The following SIRT5 variants were observed in gnomAD, a reference collection of about 807,000 sequenced individuals.
The protein encoded by SIRT5 is sirtuin 5, also known as NAD-dependent protein deacylase sirtuin-5, mitochondrial.
A neutral mutation model predicts 40.0 loss-of-function variants in SIRT5; 26 were observed. The observed-to-expected ratio is 0.65, with a 90% confidence interval of 0.48 to 0.90. SIRT5 has a LOEUF of 0.90. SIRT5 is among the 40% of genes least tolerant of loss of function. SIRT5 has a pLI of 0.00. For missense variants in SIRT5, 401 were observed against 402.4 expected (o/e 1.00, Z 0.03); for synonymous variants, 146 against 149.1 (o/e 0.98, Z 0.15).
intron 2 of SIRT5, among the ~76,000 whole-genome samples, chr6:13,580,217 C>T (rs986523178): frequency 6.6e-6 from 1 of 152,190 alleles, no homozygotes; most frequent in African/African-American, 2.4e-5. Context: ...CTAACCTCTT[C>T]TCTTTTTGAG....
chr6:13,599,446 T>C (rs1762075331), intron 8 of SIRT5, among the ~76,000 whole-genome samples: 1 of 152,220 alleles, frequency 6.6e-6, no homozygotes, highest in South Asian at 2.1e-4. Context: ...GAACATGCTA[T>C]TGGTTTTTTA....
At chr6:13,578,456 TAAAAATACA>T (rs1351534619) in intron 1 of SIRT5, among the ~76,000 whole-genome samples, 1 of 151,732 alleles carries the variant, frequency 6.6e-6, no homozygotes, top group Non-Finnish European at 1.5e-5. Flanking sequence ...CCGTCTCTAC[TAAAAATACA>T]AAAAATTAGC....
At chr6:13,611,228 TATATATATACAC>T (rs1763846891) in intron 9 of SIRT5, among the ~76,000 whole-genome samples, 2 of 131,232 alleles carry the variant, frequency 1.5e-5, no homozygotes, top group African/African-American at 6.2e-5. Flanking sequence ...TATATATATA[TATATATATACAC>T]ACACACATAC....
rs116306597 is a variant in SIRT5 at position 13,596,650 on chromosome 6, C to A, written c.564-313C>A. On this transcript the variant is annotated intron_variant, in intron 6 of 9. Transcript: ENST00000606117. ...TATAGGCACACATCACCACACTCAG[C>A]TAATTTTTGTATTTCTGGTAGAAAT... is the stretch of plus-strand genomic sequence containing the variant. Among the ~76,000 whole-genome samples, 957 of 152,250 alleles carry A rather than the reference C, an allele frequency of 6.3e-3. 14 individuals are homozygous for A. Among genetic ancestry groups the A allele is most frequent in the African/African-American group, 0.022 (915 of 41,550 alleles).
chr6:13,586,515 G>T (rs886576556), intron 3 of SIRT5, among the ~76,000 whole-genome samples: 5 of 152,138 alleles, frequency 3.3e-5, no homozygotes, highest in African/African-American at 1.2e-4. Context: ...TTTCCCCCTT[G>T]TTTTTGTCAG....
chr6:13,588,319 C>T lies in SIRT5; in HGVS notation c.116-12C>T. Reference sequence around the variant, plus strand: ...CTGTACACTGGATTGATAAAGATTTCACTCTGTTTAGGTATGGCAGATTTT... The same window carrying T: ...CTGTACACTGGATTGATAAAGATTTTACTCTGTTTAGGTATGGCAGATTTT... On this transcript the variant is annotated splice_polypyrimidine_tract_variant and intron_variant, in intron 3 of 9. Coordinates refer to ENST00000606117, the MANE Select transcript of SIRT5 (RefSeq NM_012241.5). 1 of 1,610,398 alleles carries T rather than the reference C, an allele frequency of 6.2e-7. No individual in the cohort carries two copies. The highest frequency in any genetic ancestry group is 1.3e-5 in the African/African-American group (1 of 74,766).
intron 1 of SIRT5, among the ~76,000 whole-genome samples, chr6:13,577,149 CAT>C (rs1385319001): frequency 6.6e-6 from 1 of 152,130 alleles, no homozygotes; most frequent in Non-Finnish European, 1.5e-5. Context: ...TTTGCAATTC[CAT>C]ATGAACTTTA....
At position 13,613,911 on chromosome 6, in the gene SIRT5, A is replaced by G. The variant is rs936442760; in HGVS notation, c.*2046A>G. 1 of 152,192 alleles carries G rather than the reference A, an allele frequency of 6.6e-6. No individual in the cohort carries two copies. The highest frequency in any genetic ancestry group is 1.5e-5 in the Non-Finnish European group (1 of 68,022). 9.4% of individuals were successfully genotyped at this position (152,192 alleles called of 1,614,324 possible). ...TTTGATTTGTAATTTCTATCTGACT[A>G]AGGCCTAGAGATTTCAAAACTGTTC... On this transcript the variant is annotated 3_prime_UTR_variant, in exon 10 of 10. Coordinates refer to ENST00000606117, the MANE Select transcript of SIRT5 (RefSeq NM_012241.5).
intron 6 of SIRT5, 85 bp from the exon 7 acceptor site, chr6:13,596,878 G>A: frequency 9.0e-7 from 1 of 1,106,196 alleles, no homozygotes; most frequent in Non-Finnish European, 1.3e-6. Context: ...ATACTGCCAG[G>A]CAAATATACA....
chr6:13,584,146 T>C lies in SIRT5; in HGVS notation c.36T>C (p.Ile12=). Residue 12 remains isoleucine (I), a synonymous_variant, in exon 3 of 10, where the codon ATT becomes ATC. Transcript: ENST00000606117. ...RPLQIVPSRL[I]SQLYCGLKPP... ...TCCAGATTGTCCCAAGTCGATTGAT[T>C]TCCCAGCTATATTGTGGCCTGAAGC... 6.2e-7 allele frequency: 1 copy of C among 1,614,204 alleles called. No individual in the cohort carries two copies. Among genetic ancestry groups the C allele is most frequent in the Non-Finnish European group, 8.5e-7 (1 of 1,180,030 alleles).
intron 4 of SIRT5, among the ~76,000 whole-genome samples, chr6:13,591,102 GAT>G (rs1353439094): frequency 2.0e-5 from 3 of 151,602 alleles, no homozygotes; most frequent in Non-Finnish European, 2.9e-5. Flanking sequence ...TGTGTGTGTA[GAT>G]ATGTGTAGTG....
At position 13,611,988 on chromosome 6, in the gene SIRT5, C is replaced by T; in HGVS notation, c.*123C>T. On this transcript the variant is annotated 3_prime_UTR_variant, in exon 10 of 10. Coordinates refer to ENST00000606117, the MANE Select transcript of SIRT5 (RefSeq NM_012241.5). ...CTAAAAATAGCCTCTGATTCCCTCGCTGGAATCCAACCTGTTGATAAGTGA... is the reference window on the plus strand; with the variant it reads ...CTAAAAATAGCCTCTGATTCCCTCGTTGGAATCCAACCTGTTGATAAGTGA... 1 of 859,234 alleles carries T rather than the reference C, an allele frequency of 1.2e-6. No homozygotes were observed. The allele number at this position is 859,234 out of a possible 1,614,324, so 53.2% of individuals were successfully genotyped here.
In SIRT5 at chr6:13,575,857, A is replaced by G. The variant is rs78787766; in HGVS notation, c.-195+1113A>G. ...GTAACCATCATTCTACTCTGCTTCTATGAGTTCAACTTTTTTAGACCCCAA... is the reference window on the plus strand; with the variant it reads ...GTAACCATCATTCTACTCTGCTTCTGTGAGTTCAACTTTTTTAGACCCCAA... On this transcript the variant is annotated intron_variant, in intron 1 of 9. Transcript: ENST00000606117. Among the ~76,000 whole-genome samples the G allele has an allele frequency of 1.3e-3, 193 of 152,276 alleles. 3 individuals are homozygous for G. The East Asian group carries it at 0.022, about 18-fold the overall frequency.
chr6:13,578,616 C>CA (rs60663066), intron 1 of SIRT5, among the ~76,000 whole-genome samples: 820 of 35,980 alleles, frequency 0.023, 12 homozygotes, highest in East Asian at 0.046. Flanking sequence ...GACTCCATCT[C>CA]AAAAAAAAAA....
At chr6:13,574,896 C>T (rs1308423781) in intron 1 of SIRT5, among the ~76,000 whole-genome samples, 152 bp downstream of exon 1, 1 of 152,182 alleles carries the variant, frequency 6.6e-6, no homozygotes, top group East Asian at 1.9e-4. Context: ...CCTCCCTTTT[C>T]AGAAAGGTCA....
At chr6:13,608,274 A>G (rs959980883) in intron 9 of SIRT5, among the ~76,000 whole-genome samples, 8 of 152,210 alleles carry the variant, frequency 5.3e-5, no homozygotes, top group African/African-American at 1.9e-4. Context: ...TACTAATGTA[A>G]TATATTTTTA....
intron 3 of SIRT5, among the ~76,000 whole-genome samples, chr6:13,584,807 G>C (rs1047013445): frequency 1.3e-5 from 2 of 152,134 alleles, no homozygotes; most frequent in African/African-American, 4.8e-5. Flanking sequence ...TCTCTGCAGG[G>C]GAGGAAAACT....
rs1764058677 is a variant in SIRT5, at chr6:13,612,788, C to T, written c.*923C>T. ...GAAAGAATGATGCAAATATGTGGACCCCCAGGATAAACACAGCTGCCCAAA... is the reference window on the plus strand; with the variant it reads ...GAAAGAATGATGCAAATATGTGGACTCCCAGGATAAACACAGCTGCCCAAA... On this transcript the variant is annotated 3_prime_UTR_variant, in exon 10 of 10. Transcript: ENST00000606117. 6.6e-6 allele frequency: 1 copy of T among 152,220 alleles called. No individual in the cohort carries two copies. The highest frequency in any genetic ancestry group is 2.4e-5 in the African/African-American group (1 of 41,422). 9.4% of individuals were successfully genotyped at this position (152,220 alleles called of 1,614,324 possible). A position where few individuals can be genotyped will look rare whatever the true frequency, so the allele number is the denominator to read the frequency against.
chr6:13,602,243 G>A (rs1762487743), intron 9 of SIRT5, among the ~76,000 whole-genome samples: 1 of 152,116 alleles, frequency 6.6e-6, no homozygotes, highest in East Asian at 1.9e-4. Context: ...TAATTGAAAA[G>A]ATTAATCTAA....
Sources: allele counts gnomAD v4.1 joint callset (sites outside exome capture counted in the v4.1 genomes callset), GRCh38; gene constraint gnomAD v4.1.1; transcripts MANE v1.5; gene names NCBI Gene and HGNC (gene_info 2026-07-23, HGNC 2026-07-21).